Variants in GLG1 observed in about 807,000 individuals in gnomAD.
GLG1 encodes the protein Golgi apparatus protein 1.
A neutral mutation model predicts 160.5 loss-of-function variants in GLG1; 38 were observed. The ratio of observed to expected loss-of-function variants is 0.24; its 90% CI spans 0.18 to 0.31. The LOEUF (loss-of-function observed/expected upper bound fraction) is 0.31, where lower values mean the gene tolerates loss of function less well. Ranked by LOEUF, GLG1 falls within the 10% of genes least tolerant of loss-of-function variation. GLG1 has a pLI of 1.00. For missense variants in GLG1, 1,373 were observed against 1,505.2 expected, an observed-to-expected ratio of 0.91 and a Z score of 1.45; for synonymous variants, 644 against 543.4, an observed-to-expected ratio of 1.19 and a Z score of -2.57.
chr16:74,502,722 GTTTTTTTTTT>G (rs745410150), intron 4 of GLG1, among the ~76,000 whole-genome samples: 2 of 109,588 alleles, frequency 1.8e-5, no homozygotes, highest in African/African-American at 3.6e-5. Flanking sequence ...TTTGTTTTTG[GTTTTTTTTTT>G]TTTTTTTTTT....
At chr16:74,600,553 G>A (rs78493621) in intron 1 of GLG1, among the ~76,000 whole-genome samples, 2,909 of 151,338 alleles carry the variant, frequency 0.019, 40 homozygotes, top group South Asian at 0.028. Flanking sequence ...CCAGTGTGGC[G>A]AAACCCCCGT....
rs1026760684 is a variant in GLG1, at chr16:74,462,171, G to C, written c.2959C>G (p.Gln987Glu). Reference protein sequence around the residue: ...DQRLSSDCEDQIRIIIQESAL... With the variant: ...DQRLSSDCEDEIRIIIQESAL... ...GACTCCTGGATAATGATTCGGATCT[G>C]GTCTTCACAGTCTGAAGACAGGCGC... Residue 987 changes from glutamine (Q) to glutamate (E), a missense_variant, in exon 22 of 26, where the codon CAG becomes GAG. By Grantham distance (29) the Gln-to-Glu change is conservative. Coordinates refer to ENST00000422840, the MANE Select transcript of GLG1 (RefSeq NM_001145667.2). 5 of 1,603,026 alleles carry C rather than the reference G, an allele frequency of 3.1e-6. No individual in the cohort carries two copies. Among genetic ancestry groups the C allele is most frequent in the Non-Finnish European group, 3.4e-6 (4 of 1,170,186 alleles).
chr16:74,504,323 TGTC>T (rs1348894123), intron 3 of GLG1, among the ~76,000 whole-genome samples: 1 of 152,212 alleles, frequency 6.6e-6, no homozygotes, highest in Non-Finnish European at 1.5e-5. Flanking sequence ...AGCCTTGCTC[TGTC>T]GCCCAGGCTG....
intron 2 of GLG1, among the ~76,000 whole-genome samples, chr16:74,512,958 G>C (rs1176162219): frequency 6.6e-6 from 1 of 152,044 alleles, no homozygotes; most frequent in Non-Finnish European, 1.5e-5. Flanking sequence ...ACGGAGATTG[G>C]GCTTCTAAGT....
chr16:74,570,117 C>T (rs566192143), intron 1 of GLG1, among the ~76,000 whole-genome samples: 3 of 151,272 alleles, frequency 2.0e-5, no homozygotes, highest in Non-Finnish European at 4.4e-5. Flanking sequence ...TCCATAATTA[C>T]AAAATATTTT....
rs775307055 is a variant in GLG1 at position 74,462,634 on chromosome 16, G to C, written c.2792-4C>G. ...AACATGGGGTTTAAGCGGTAATCTA[G>C]AGTAGAAAGCAGTGAGCATGTGACA... On this transcript the variant is annotated splice_region_variant and splice_polypyrimidine_tract_variant and intron_variant, in intron 20 of 25. Transcript: ENST00000422840. The C allele has an allele frequency of 3.1e-6, 5 of 1,613,946 alleles. No individual in the cohort carries two copies. The highest frequency in any genetic ancestry group is 1.7e-5 in the Admixed American group (1 of 60,026).
chr16:74,574,920 G>C (rs1313145459), intron 1 of GLG1, among the ~76,000 whole-genome samples: 13 of 83,300 alleles, frequency 1.6e-4, no homozygotes, highest in East Asian at 9.6e-4. Context: ...AAAAGACAGA[G>C]AGAGAGAGAG....
chr16:74,505,662 C>G (rs994499528), intron 3 of GLG1, among the ~76,000 whole-genome samples: 11 of 152,124 alleles, frequency 7.2e-5, no homozygotes, highest in Admixed American at 3.3e-4. Flanking sequence ...CGAGACCAGC[C>G]TGGGCAACAC....
chr16:74,500,783 A>C (rs1354451309), intron 4 of GLG1, among the ~76,000 whole-genome samples: 1 of 152,176 alleles, frequency 6.6e-6, no homozygotes, highest in Non-Finnish European at 1.5e-5. Flanking sequence ...CTTTTTCTTC[A>C]GATGATGTAA....
chr16:74,467,835 CG>C lies in GLG1; in HGVS notation c.2449del (p.Arg817AlafsTer32). 1 of 1,611,444 alleles carries C rather than the reference CG, an allele frequency of 6.2e-7. No individual in the cohort carries two copies. The highest frequency in any genetic ancestry group is 8.5e-7 in the Non-Finnish European group (1 of 1,177,980). The part of the protein sequence containing the change: ...VEELEMTEDI[R>X]LEPDLYEACK... The stretch of plus-strand genomic sequence containing the variant: ...GGCTTCGTATAGATCTGGCTCCAAG[CG>C]GATGTCCTCCGTCTGCATGAGGGAG... On this transcript the variant is annotated frameshift_variant, in exon 18 of 26. Transcript: ENST00000422840. LOFTEE classifies it high-confidence loss of function.
chr16:74,455,752 G>A (rs143702331), intron 25 of GLG1, among the ~76,000 whole-genome samples: 6 of 152,192 alleles, frequency 3.9e-5, no homozygotes, highest in Non-Finnish European at 7.3e-5. Flanking sequence ...CAATACAAAA[G>A]CATGGCTCTA....
chr16:74,603,978 G>C (rs915265373), intron 1 of GLG1, among the ~76,000 whole-genome samples: 1 of 149,244 alleles, frequency 6.7e-6, no homozygotes, highest in Admixed American at 6.7e-5. Context: ...ACTCATCCGA[G>C]AGCGTTAAAA....
chr16:74,503,613 T>G lies in GLG1; in HGVS notation c.692A>C (p.Tyr231Ser). Residue 231 changes from tyrosine (Y) to serine (S), a missense_variant, in exon 4 of 26, where the codon TAC becomes TCC. Around this residue, in one of 4 missense-constraint regions of GLG1, gnomAD observed 174 missense variants for 229.9 expected, o/e 0.76. Coordinates refer to ENST00000422840, the MANE Select transcript of GLG1 (RefSeq NM_001145667.2). Reference sequence around the variant, plus strand: ...ATCCATGAAGCCACAGATTAAACGGTAATCACTAAAAATGATGGCCGTCAT... The same window carrying G: ...ATCCATGAAGCCACAGATTAAACGGGAATCACTAAAAATGATGGCCGTCAT... ...TKMTAIIFSD[Y>S]RLICGFMDDC... is the part of the protein sequence containing the mutation. The G allele has an allele frequency of 6.2e-7, 1 of 1,613,334 alleles. No homozygotes were observed.
In GLG1 at chr16:74,496,618, T is replaced by G; in HGVS notation, c.801A>C (p.Val267=). Residue 267 remains valine, a synonymous_variant, in exon 5 of 26, where the codon GTA becomes GTC. Transcript: ENST00000422840. The part of the protein sequence containing the change: ...EKDAHSQGEV[V]SCLEKGLVKE... Reference sequence around the variant, plus strand: ...TCACCAGGCCTTTCTCCAAGCATGATACCACCTCACCTTGTGAATGTGCAT... The same window carrying G: ...TCACCAGGCCTTTCTCCAAGCATGAGACCACCTCACCTTGTGAATGTGCAT... The G allele has an allele frequency of 6.2e-7, 1 of 1,612,246 alleles. No homozygotes were observed. The highest frequency in any genetic ancestry group is 8.5e-7 in the Non-Finnish European group (1 of 1,178,398).
intron 1 of GLG1, among the ~76,000 whole-genome samples, chr16:74,589,242 G>GA (rs1430711835): frequency 7.4e-6 from 1 of 134,500 alleles, no homozygotes. Flanking sequence ...GTGAAAGAGT[G>GA]AAACTCTCTG....
At chr16:74,457,268 G>A (rs544608800) in intron 24 of GLG1, among the ~76,000 whole-genome samples, 1 of 152,100 alleles carries the variant, frequency 6.6e-6, no homozygotes, top group Non-Finnish European at 1.5e-5. Flanking sequence ...ATGGTGGTGG[G>A]TGCCTGTAGT....
chr16:74,542,757 GGAAGGA>G lies in GLG1; in HGVS notation c.439-10610_439-10605del, dbSNP rs1345455450. 1.3e-3 allele frequency among the ~76,000 whole-genome samples: 74 copies of G among 56,144 alleles called. 2 individuals are homozygous for G. The highest frequency in any genetic ancestry group is 2.0e-3 in the Non-Finnish European group (49 of 24,620). 36.8% of individuals were successfully genotyped at this position (56,144 alleles called of 152,430 possible). A position where few individuals can be genotyped will look rare whatever the true frequency, so the allele number is the denominator to read the frequency against. On this transcript the variant is annotated intron_variant, in intron 1 of 25. Coordinates refer to ENST00000422840, the MANE Select transcript of GLG1 (RefSeq NM_001145667.2). ...AGGGAGGAAGGAAGGAAGGAAGGAA[GGAAGGA>G]AGGAAGGAAGGAAGGAAGGAAGGAA...
At position 74,606,927 on chromosome 16, in the gene GLG1, G is replaced by A. The variant is rs760714770; in HGVS notation, c.168C>T (p.Gly56=). 141 of 1,607,304 alleles carry A rather than the reference G, an allele frequency of 8.8e-5. No homozygotes were observed. The Middle Eastern group carries it at 1.3e-3, about 15-fold the overall frequency. ...GGGGCAGCTGCTGACCCGCCGGGCCGCCGCCTCCGGCCTGCCCTACGAAGG... is the reference window on the plus strand; with the variant it reads ...GGGGCAGCTGCTGACCCGCCGGGCCACCGCCTCCGGCCTGCCCTACGAAGG... ...FVSFVGQAGG[G]GPAGQQLPQL... is the part of the protein sequence containing the mutation. Residue 56 remains glycine, a synonymous_variant, in exon 1 of 26, where the codon GGC becomes GGT. Transcript: ENST00000422840.
Position 74,485,808 on chromosome 16 carries a change from G to C in GLG1, c.1559C>G (p.Ser520Cys). The part of the protein sequence containing the change: ...VIQTACKHIR[S>C]GDPMILSCLM... ...GAAGATAACTTACATTGGGTCTCCA[G>C]ATCTTATATGTTTGCAGGCTGTCTG... The change falls in exon 9 of 26, where the codon TCT becomes TGT. Residue 520 changes from serine to cysteine, a missense_variant. Around this residue, in one of 4 missense-constraint regions of GLG1, gnomAD observed 386 missense variants for 388.5 expected, o/e 0.99. Coordinates refer to ENST00000422840, the MANE Select transcript of GLG1 (RefSeq NM_001145667.2). 6.2e-7 allele frequency: 1 copy of C among 1,613,138 alleles called. No individual in the cohort carries two copies. Among genetic ancestry groups the C allele is most frequent in the South Asian group, 1.1e-5 (1 of 91,006 alleles).
Sources: gnomAD v4.1 joint callset for allele counts (sites outside exome capture counted in the v4.1 genomes callset) on GRCh38, gnomAD v4.1.1 for gene constraint, gnomAD v4.1.1 regional missense constraint, MANE v1.5 for transcripts, NCBI Gene and HGNC (gene_info 2026-07-23, HGNC 2026-07-21) for gene names.